The following SLC26A8 variants were observed in gnomAD, a reference collection of about 807,000 sequenced individuals.
The protein encoded by SLC26A8 is testis anion transporter 1.
Under a neutral mutation model 105.0 loss-of-function variants are expected in SLC26A8, and 70 were observed. That is an observed-to-expected ratio of 0.67 (90% CI 0.55 to 0.81). The LOEUF (loss-of-function observed/expected upper bound fraction) is 0.81. Among genes scored for constraint, SLC26A8 ranks in the 40% least tolerant of loss-of-function variants. SLC26A8 has a pLI of 0.00. For synonymous variants in SLC26A8, 415 were observed against 438.3 expected, an observed-to-expected ratio of 0.95 and a Z score of 0.66; for missense variants, 998 against 1,181.8, an observed-to-expected ratio of 0.84 and a Z score of 2.28.
At chr6:35,985,207 A>G (rs1056444841) in intron 7 of SLC26A8, among the ~76,000 whole-genome samples, 3 of 152,084 alleles carry the variant, frequency 2.0e-5, no homozygotes, top group African/African-American at 7.2e-5. Context: ...TGATTGATAT[A>G]TTGTGTCTCC....
chr6:35,975,258 A>G, intron 10 of SLC26A8, 117 bp downstream of exon 10: 1 of 481,268 alleles, frequency 2.1e-6, no homozygotes, highest in Non-Finnish European at 3.6e-6. Context: ...CTTTCCCATT[A>G]AGCATAGCAT....
At chr6:36,015,520 G>A (rs1761972224) in intron 2 of SLC26A8, among the ~76,000 whole-genome samples, 1 of 152,162 alleles carries the variant, frequency 6.6e-6, no homozygotes, top group African/African-American at 2.4e-5. Context: ...GAAAGCTTAT[G>A]GGAGGCAGAA....
In SLC26A8 at chr6:35,955,137, C is replaced by G. The variant is rs372482858; in HGVS notation, c.2232+15G>C. 6.2e-7 allele frequency: 1 copy of G among 1,613,748 alleles called. No individual in the cohort carries two copies. The highest frequency in any genetic ancestry group is 1.1e-5 in the South Asian group (1 of 91,026). On this transcript the variant is annotated intron_variant, in intron 17 of 19. Coordinates refer to ENST00000490799, the MANE Select transcript of SLC26A8 (RefSeq NM_052961.4). ...GGGGGATCAGAGCTCCTGCCAAGGC[C>G]TCCTCAGTACTTACCTGTCTTAATA...
At chr6:35,950,716 A>T (rs1048413166) in intron 19 of SLC26A8, among the ~76,000 whole-genome samples, 6 of 152,232 alleles carry the variant, frequency 3.9e-5, no homozygotes, top group African/African-American at 1.4e-4. Flanking sequence ...ACAAGATTAT[A>T]GATCTGAATC....
chr6:35,984,181 T>A (rs568161686), intron 7 of SLC26A8, among the ~76,000 whole-genome samples: 1 of 152,278 alleles, frequency 6.6e-6, no homozygotes, highest in South Asian at 2.1e-4. Context: ...TAAATTGCAA[T>A]TATTGTAAGC....
intron 19 of SLC26A8, among the ~76,000 whole-genome samples, chr6:35,948,003 A>G (rs1771733680): frequency 6.6e-6 from 1 of 152,246 alleles, no homozygotes; most frequent in African/African-American, 2.4e-5. Context: ...AAACCTTACT[A>G]TGAATGAAAC....
intron 14 of SLC26A8, 162 bp downstream of exon 14, chr6:35,960,675 TAAAAAC>T: frequency 1.5e-6 from 1 of 667,020 alleles, no homozygotes. Flanking sequence ...AAAAAAAAAA[TAAAAAC>T]AAAGAACCCA....
intron 9 of SLC26A8, among the ~76,000 whole-genome samples, chr6:35,975,827 C>T (rs904730125): frequency 2.7e-5 from 4 of 149,100 alleles, no homozygotes; most frequent in African/African-American, 7.4e-5. Context: ...GCAGGAGAAT[C>T]GCTTGAACCT....
At chr6:36,013,180 A>G (rs920962930) in intron 2 of SLC26A8, among the ~76,000 whole-genome samples, 2 of 151,698 alleles carry the variant, frequency 1.3e-5, no homozygotes, top group East Asian at 1.9e-4. Context: ...CCCTGTGTAC[A>G]TGTGGCAATG....
rs575730676 is a variant in SLC26A8, at chr6:35,947,410, T to C, written c.2473-3070A>G. ...GACAAGATTCATCATTATTACTTGT[T>C]CTGAGAGGTTTAGTTAATGCAATAA... On this transcript the variant is annotated intron_variant, in intron 19 of 19. Transcript: ENST00000490799. Among the ~76,000 whole-genome samples, 38 of 152,332 alleles carry C rather than the reference T, an allele frequency of 2.5e-4. No homozygotes were observed. In the East Asian group the frequency reaches 6.9e-3, roughly 28 times the overall value.
rs1158010434 is a variant in SLC26A8 at position 35,944,175 on chromosome 6, G to A, written c.2638C>T (p.Arg880Trp). 4 of 1,614,036 alleles carry A rather than the reference G, an allele frequency of 2.5e-6. No homozygotes were observed. The highest frequency in any genetic ancestry group is 1.3e-5 in the African/African-American group (1 of 75,010). The change falls in exon 20 of 20, where the codon CGG (arginine) becomes TGG (tryptophan). Residue 880 changes from arginine (R) to tryptophan (W), a missense_variant. Coordinates refer to ENST00000490799, the MANE Select transcript of SLC26A8 (RefSeq NM_052961.4). ...AGLGLDLDLD[R>W]ELEPEMEPKA... ...GGCTCCATTTCAGGCTCCAGCTCCC[G>A]ATCCAGGTCTAGGTCCAGACCCAGC...
intron 2 of SLC26A8, among the ~76,000 whole-genome samples, chr6:36,017,215 A>AGG (rs1183276606): frequency 0.044 from 6,668 of 151,080 alleles, 454 homozygotes; most frequent in African/African-American, 0.15. Context: ...GGAAGGAGAA[A>AGG]AGAAAAGAAA....
intron 3 of SLC26A8, among the ~76,000 whole-genome samples, chr6:36,006,006 C>T (rs1274512474): frequency 2.6e-5 from 4 of 152,146 alleles, no homozygotes; most frequent in African/African-American, 9.7e-5. Context: ...AATGTAAGTA[C>T]AATTTTTGAA....
chr6:35,971,461 C>G (rs1034141371), intron 10 of SLC26A8, among the ~76,000 whole-genome samples: 3 of 152,210 alleles, frequency 2.0e-5, no homozygotes, highest in South Asian at 2.1e-4. Flanking sequence ...ATCAATTGCT[C>G]CATGTACAGG....
intron 14 of SLC26A8, chr6:35,960,386 T>A (rs1772263432): frequency 6.0e-6 from 1 of 166,530 alleles, no homozygotes; most frequent in African/African-American, 2.4e-5. Flanking sequence ...CTGGGTGTGT[T>A]GAGTCATGCC....
intron 10 of SLC26A8, among the ~76,000 whole-genome samples, chr6:35,973,322 A>G (rs10484265): frequency 0.06 from 9,109 of 152,258 alleles, 391 homozygotes; most frequent in Non-Finnish European, 0.087. Context: ...TTCTGAACAT[A>G]GCCCAAATTT....
chr6:36,013,992 C>G (rs1379209867), intron 2 of SLC26A8, among the ~76,000 whole-genome samples: 1 of 152,212 alleles, frequency 6.6e-6, no homozygotes, highest in African/African-American at 2.4e-5. Flanking sequence ...GTTCTAGCCA[C>G]TCTCCTGCCT....
chr6:36,019,855 G>T, intron 1 of SLC26A8, 146 bp from the exon 2 acceptor site: 2 of 787,848 alleles, frequency 2.5e-6, no homozygotes, highest in Non-Finnish European at 3.7e-6. Context: ...TCTCAAAGTT[G>T]TATAATTTTA....
chr6:35,952,570 C>G (rs1430375636), intron 17 of SLC26A8, among the ~76,000 whole-genome samples: 3 of 152,086 alleles, frequency 2.0e-5, no homozygotes, highest in Non-Finnish European at 4.4e-5. Context: ...CTTTCACTAC[C>G]AAGAGGAAAT....
Sources: gnomAD v4.1 joint callset for allele counts (sites outside exome capture counted in the v4.1 genomes callset) on GRCh38, gnomAD v4.1.1 for gene constraint, MANE v1.5 for transcripts, NCBI Gene and HGNC (gene_info 2026-07-23, HGNC 2026-07-21) for gene names.